Variants in RFX3 observed in about 807,000 individuals in gnomAD.
RFX3 encodes the protein transcription factor RFX3.
RFX3 carries 14 observed loss-of-function variants against 98.6 expected under a neutral mutation model. The ratio of observed to expected loss-of-function variants is 0.14; its 90% CI spans 0.09 to 0.22. The LOEUF (loss-of-function observed/expected upper bound fraction) is 0.22, where lower values mean the gene tolerates loss of function less well. Ranked by LOEUF, RFX3 falls within the 10% of genes least tolerant of loss-of-function variation. The pLI is 1.00. For missense variants in RFX3, 639 were observed against 926.9 expected (o/e 0.69, Z 4.03); for synonymous variants, 383 against 328.4 (o/e 1.17, Z -1.80).
intron 2 of RFX3, among the ~76,000 whole-genome samples, chr9:3,372,554 T>C (rs1315538550): frequency 2.7e-5 from 4 of 149,752 alleles, no homozygotes; most frequent in Admixed American, 1.3e-4. Flanking sequence ...TTCTTTCTTT[T>C]TTTTTTTTTT....
intron 6 of RFX3, among the ~76,000 whole-genome samples, chr9:3,288,996 T>C (rs1245477255): frequency 1.3e-5 from 2 of 152,114 alleles, no homozygotes; most frequent in Non-Finnish European, 2.9e-5. Context: ...TTCCCCATGT[T>C]CATGAGAAAG....
chr9:3,325,049 G>GT (rs1831758310), intron 4 of RFX3, among the ~76,000 whole-genome samples: 2 of 152,218 alleles, frequency 1.3e-5, no homozygotes, highest in African/African-American at 4.8e-5. Flanking sequence ...TGGGAAACGG[G>GT]TGAGAGAGAC....
intron 1 of RFX3, among the ~76,000 whole-genome samples, chr9:3,498,589 T>G (rs1034533045): frequency 6.6e-6 from 1 of 152,050 alleles, no homozygotes; most frequent in Non-Finnish European, 1.5e-5. Context: ...ATATCCTTTT[T>G]TTGTTGTTGT....
chr9:3,338,498 C>A (rs1483607296), intron 3 of RFX3, among the ~76,000 whole-genome samples: 1 of 152,302 alleles, frequency 6.6e-6, no homozygotes, highest in East Asian at 1.9e-4. Flanking sequence ...AGGATCGGCA[C>A]ATCTTTACTT....
At chr9:3,386,484 A>G (rs1193784162) in intron 2 of RFX3, among the ~76,000 whole-genome samples, 1 of 152,164 alleles carries the variant, frequency 6.6e-6, no homozygotes, top group East Asian at 1.9e-4. Flanking sequence ...GAAAAAGCCA[A>G]TAAGTTGCCC....
At chr9:3,424,981 G>A (rs1564084220) in intron 1 of RFX3, among the ~76,000 whole-genome samples, 1 of 152,148 alleles carries the variant, frequency 6.6e-6, no homozygotes, top group Non-Finnish European at 1.5e-5. Flanking sequence ...TGTAATCCCA[G>A]CACTTTGGGA....
intron 13 of RFX3, among the ~76,000 whole-genome samples, chr9:3,261,533 T>C (rs1822890127): frequency 6.6e-6 from 1 of 152,152 alleles, no homozygotes; most frequent in East Asian, 1.9e-4. Context: ...ACATTTTGTT[T>C]ATCTATTAAT....
Position 3,330,442 on chromosome 9 carries a change from T to C in RFX3, c.291A>G (p.Gln97=). ...CGGTAGTCACCTGGGCGGAACTCCC[T>C]TGAGTATCAAAGTAATTCCCTCCAG... ...QNTGGNYFDT[Q]GSSAQVTTVV... The change falls in exon 4 of 17, where the codon CAA becomes CAG. Residue 97 remains glutamine, a synonymous_variant. Transcript: ENST00000617270. 1 of 1,614,140 alleles carries C rather than the reference T, an allele frequency of 6.2e-7. No homozygotes were observed. Among genetic ancestry groups the C allele is most frequent in the Admixed American group, 1.7e-5 (1 of 60,010 alleles).
chr9:3,458,945 A>G (rs1847445495), intron 1 of RFX3, among the ~76,000 whole-genome samples: 1 of 152,148 alleles, frequency 6.6e-6, no homozygotes, highest in Admixed American at 6.5e-5. Flanking sequence ...AGTATTGAAA[A>G]CATTCCTGCA....
chr9:3,500,145 T>C (rs1425811405), intron 1 of RFX3, among the ~76,000 whole-genome samples: 2 of 151,760 alleles, frequency 1.3e-5, no homozygotes, highest in African/African-American at 4.8e-5. Context: ...AAATCAACAA[T>C]AAAGGAGAGC....
intron 3 of RFX3, among the ~76,000 whole-genome samples, chr9:3,338,374 T>G (rs1211330867): frequency 6.6e-6 from 1 of 152,252 alleles, no homozygotes; most frequent in Non-Finnish European, 1.5e-5. Flanking sequence ...TCAGTAATAC[T>G]TCTTGTAATA....
intron 4 of RFX3, among the ~76,000 whole-genome samples, chr9:3,317,499 A>G (rs1830761067): frequency 6.6e-6 from 1 of 152,258 alleles, no homozygotes; most frequent in African/African-American, 2.4e-5. Flanking sequence ...CAATGGCAAC[A>G]AAAGCCAAAA....
chr9:3,325,074 A>C (rs1831760725), intron 4 of RFX3, among the ~76,000 whole-genome samples: 1 of 152,218 alleles, frequency 6.6e-6, no homozygotes, highest in South Asian at 2.1e-4. Context: ...GTACTTTCTT[A>C]TATCTTTTGA....
Position 3,458,896 on chromosome 9 carries a change from C to G in RFX3, c.-8-63300G>C, listed in dbSNP as rs72699084. ...GGGAATAAGTAGTTACAGACAAAAG[C>G]AGCATCTTCAAACTCAAATTTGATT... On this transcript the variant is annotated intron_variant, in intron 1 of 16. Transcript: ENST00000617270. Among the ~76,000 whole-genome samples the G allele has an allele frequency of 3.3e-3, 508 of 152,246 alleles. 3 individuals are homozygous for G. Among genetic ancestry groups the G allele is most frequent in the Non-Finnish European group, 5.3e-3 (362 of 67,994 alleles).
intron 2 of RFX3, among the ~76,000 whole-genome samples, chr9:3,360,419 A>G (rs1395153751): frequency 6.6e-6 from 1 of 152,122 alleles, no homozygotes; most frequent in Non-Finnish European, 1.5e-5. Context: ...CCTTGAGTTA[A>G]TTTTTAAATG....
At chr9:3,522,127 C>A (rs1818780437) in intron 1 of RFX3, among the ~76,000 whole-genome samples, 1 of 151,962 alleles carries the variant, frequency 6.6e-6, no homozygotes, top group Admixed American at 6.6e-5. Context: ...CTTTAGACAG[C>A]CCTTTTGTCA....
At chr9:3,254,481 C>G (rs1240899396) in intron 14 of RFX3, among the ~76,000 whole-genome samples, 4 of 151,674 alleles carry the variant, frequency 2.6e-5, no homozygotes, top group Admixed American at 1.3e-4. Context: ...ACGTTGTTAT[C>G]TGGGAAAAAA....
chr9:3,445,116 A>T (rs1398148412), intron 1 of RFX3, among the ~76,000 whole-genome samples: 1 of 152,226 alleles, frequency 6.6e-6, no homozygotes, highest in Non-Finnish European at 1.5e-5. Context: ...CTGTAGGTTA[A>T]TGAATGCACT....
intron 3 of RFX3, among the ~76,000 whole-genome samples, chr9:3,333,411 G>C (rs1267888252): frequency 2.0e-5 from 3 of 148,710 alleles, no homozygotes; most frequent in Non-Finnish European, 4.4e-5. Context: ...CTGGGGTGAT[G>C]ATAGAAACAA....
Sources: gnomAD v4.1 joint callset for allele counts (sites outside exome capture counted in the v4.1 genomes callset) on GRCh38, gnomAD v4.1.1 for gene constraint, MANE v1.5 for transcripts, NCBI Gene and HGNC (gene_info 2026-07-23, HGNC 2026-07-21) for gene names.